Variants in STPG2 observed in about 807,000 individuals in gnomAD.
STPG2 encodes the protein sperm tail PG-rich repeat containing 2.
In STPG2, 56 loss-of-function variants were observed where a neutral mutation model predicts 54.2. The observed-to-expected ratio is 1.03, with a 90% CI of 0.83 to 1.29. The LOEUF (loss-of-function observed/expected upper bound fraction) is 1.29. Ranked by LOEUF, STPG2 falls within the 50% of genes most tolerant of loss-of-function variation. STPG2 has a pLI of 0.00. For synonymous variants in STPG2, 200 were observed against 181.8 expected (o/e 1.10, Z -0.81); for missense variants, 596 against 544.9 (o/e 1.09, Z -0.93).
intron 10 of STPG2, among the ~76,000 whole-genome samples, chr4:97,649,218 A>G (rs906456764): frequency 6.6e-6 from 1 of 152,150 alleles, no homozygotes; most frequent in African/African-American, 2.4e-5. Flanking sequence ...GTATTTTTCT[A>G]TAAGTCAGGT....
intron 8 of STPG2, among the ~76,000 whole-genome samples, chr4:97,903,758 G>A (rs560592893): frequency 2.0e-4 from 30 of 152,344 alleles, no homozygotes; most frequent in African/African-American, 5.8e-4. Flanking sequence ...TGCAGGAGCC[G>A]AAGCAGGGCG....
intron 8 of STPG2, among the ~76,000 whole-genome samples, chr4:97,924,931 A>G (rs1732279083): frequency 6.6e-6 from 1 of 152,220 alleles, no homozygotes; most frequent in South Asian, 2.1e-4. Context: ...GATGCCATAG[A>G]TGCAGCAGCA....
At chr4:98,046,326 T>C (rs1003233535) in intron 5 of STPG2, among the ~76,000 whole-genome samples, 7 of 152,194 alleles carry the variant, frequency 4.6e-5, no homozygotes, top group Admixed American at 1.3e-4. Flanking sequence ...TTATCTAAAT[T>C]TCATGAGGGC....
At chr4:97,810,261 C>T (rs925371587) in intron 9 of STPG2, among the ~76,000 whole-genome samples, 1 of 151,954 alleles carries the variant, frequency 6.6e-6, no homozygotes, top group African/African-American at 2.4e-5. Flanking sequence ...GTCAAGAGAT[C>T]GAGACCATCC....
At chr4:97,885,603 A>G (rs918665412) in intron 8 of STPG2, among the ~76,000 whole-genome samples, 18 of 152,212 alleles carry the variant, frequency 1.2e-4, no homozygotes, top group African/African-American at 4.1e-4. Context: ...CCACTGAATA[A>G]CATGCGTTTG....
intron 1 of STPG2, among the ~76,000 whole-genome samples, chr4:98,136,428 T>C (rs889508299): frequency 2.7e-4 from 36 of 134,400 alleles, no homozygotes; most frequent in Non-Finnish European, 5.4e-4. Context: ...TGGGGAAAAT[T>C]ACCTAACACA....
At chr4:97,634,229 C>T (rs1721417525) in intron 10 of STPG2, among the ~76,000 whole-genome samples, 1 of 152,124 alleles carries the variant, frequency 6.6e-6, no homozygotes, top group African/African-American at 2.4e-5. Flanking sequence ...CCAGCAGGGG[C>T]ACACTGACAC....
intron 8 of STPG2, among the ~76,000 whole-genome samples, chr4:97,890,846 T>C (rs562966925): frequency 6.6e-6 from 1 of 152,006 alleles, no homozygotes; most frequent in African/African-American, 2.4e-5. Context: ...AAAAAACTTA[T>C]GACAAGATAT....
At chr4:97,707,078 A>G (rs983977845) in intron 10 of STPG2, among the ~76,000 whole-genome samples, 7 of 152,170 alleles carry the variant, frequency 4.6e-5, no homozygotes, top group Non-Finnish European at 8.8e-5. Context: ...TCTAGCAGGT[A>G]ATTAAAGGTA....
intron 8 of STPG2, among the ~76,000 whole-genome samples, chr4:97,885,886 A>G (rs756711688): frequency 1.4e-4 from 21 of 152,314 alleles, no homozygotes; most frequent in African/African-American, 5.1e-4. Context: ...AAAGATAAAA[A>G]CTATTTAAGA....
chr4:97,699,811 G>A (rs1430246682), intron 10 of STPG2, among the ~76,000 whole-genome samples: 1 of 152,182 alleles, frequency 6.6e-6, no homozygotes, highest in African/African-American at 2.4e-5. Context: ...AGTGCAGGCT[G>A]GAGGAGACGA....
intron 5 of STPG2, among the ~76,000 whole-genome samples, chr4:98,000,892 C>G (rs1301748759): frequency 6.6e-6 from 1 of 152,014 alleles, no homozygotes; most frequent in South Asian, 2.1e-4. Context: ...AAATGGAAAC[C>G]AAAAGTAGCT....
intron 4 of STPG2, among the ~76,000 whole-genome samples, chr4:97,548,304 G>C (rs923424836): frequency 2.0e-5 from 3 of 152,156 alleles, no homozygotes; most frequent in Middle Eastern, 3.2e-3. Flanking sequence ...CAGGCAGATA[G>C]ATAGAAGAAA....
intron 10 of STPG2, among the ~76,000 whole-genome samples, chr4:97,629,367 A>T (rs1032598408): frequency 6.6e-6 from 1 of 152,076 alleles, no homozygotes; most frequent in African/African-American, 2.4e-5. Context: ...TTTGCTACTT[A>T]AGATAAAAAA....
intron 7 of STPG2, among the ~76,000 whole-genome samples, chr4:97,952,151 G>C (rs772069851): frequency 9.9e-5 from 15 of 152,166 alleles, no homozygotes; most frequent in Non-Finnish European, 1.9e-4. Context: ...AACCACACCT[G>C]AACCTGAAAG....
At chr4:97,600,979 A>T (rs1733443973) in intron 10 of STPG2, among the ~76,000 whole-genome samples, 2 of 152,232 alleles carry the variant, frequency 1.3e-5, no homozygotes, top group Admixed American at 1.3e-4. Flanking sequence ...AGTGAGGATG[A>T]CTATCACATA....
chr4:97,523,182 A>G (rs1731215421), intron 4 of STPG2, among the ~76,000 whole-genome samples: 1 of 151,976 alleles, frequency 6.6e-6, no homozygotes, highest in African/African-American at 2.4e-5. Context: ...AATTTGAACA[A>G]AAATTTAGTG....
chr4:97,622,991 C>T (rs1734050699), intron 10 of STPG2, among the ~76,000 whole-genome samples: 1 of 152,080 alleles, frequency 6.6e-6, no homozygotes, highest in African/African-American at 2.4e-5. Context: ...TAATCTTCAA[C>T]AAAGTTGACA....
intron 8 of STPG2, among the ~76,000 whole-genome samples, chr4:97,905,121 C>A (rs1731353632): frequency 6.6e-6 from 1 of 151,434 alleles, no homozygotes; most frequent in Admixed American, 6.6e-5. Context: ...CAAAGATACT[C>A]CTCGAGAAGA....
Sources: allele counts gnomAD v4.1 joint callset (sites outside exome capture counted in the v4.1 genomes callset), GRCh38; gene constraint gnomAD v4.1.1; transcripts MANE v1.5; gene names NCBI Gene and HGNC (gene_info 2026-07-23, HGNC 2026-07-21).